Variants in PRORP observed in about 807,000 individuals in gnomAD.
PRORP encodes mitochondrial ribonuclease P catalytic subunit.
Under a neutral mutation model 59.4 loss-of-function variants are expected in PRORP, and 51 were observed. That is an observed-to-expected ratio of 0.86 (90% CI 0.69 to 1.08). PRORP has a LOEUF of 1.08. Ranked by LOEUF, PRORP falls within the 50% of genes least tolerant of loss-of-function variation. The pLI, the probability that PRORP is intolerant of heterozygous loss-of-function variation, is 0.00. For missense variants in PRORP, 646 were observed against 690.3 expected (o/e 0.94, Z 0.72); for synonymous variants, 231 against 245.6 (o/e 0.94, Z 0.55).
chr14:35,173,697 C>G (rs2048374972), intron 4 of PRORP, among the ~76,000 whole-genome samples: 1 of 152,018 alleles, frequency 6.6e-6, no homozygotes, highest in African/African-American at 2.4e-5. Flanking sequence ...CAAATTTTAC[C>G]TGGTATAATT....
chr14:35,212,500 T>G (rs2049473927), intron 5 of PRORP, among the ~76,000 whole-genome samples: 1 of 152,232 alleles, frequency 6.6e-6, no homozygotes, highest in Non-Finnish European at 1.5e-5. Context: ...TTCACAGGCA[T>G]GAAAACAGCA....
chr14:35,266,171 G>T (rs1433726430), intron 5 of PRORP, among the ~76,000 whole-genome samples: 1 of 152,020 alleles, frequency 6.6e-6, no homozygotes, highest in African/African-American at 2.4e-5. Context: ...TACAAAATTA[G>T]TTGGCTGTGG....
At chr14:35,135,402 G>T (rs547047339) in intron 4 of PRORP, among the ~76,000 whole-genome samples, 44 of 152,212 alleles carry the variant, frequency 2.9e-4, no homozygotes, top group African/African-American at 9.9e-4. Flanking sequence ...TGGTACTTTT[G>T]TCCTGCAGAG....
chr14:35,180,543 T>A (rs571982089), intron 4 of PRORP, 127 bp from the exon 5 acceptor site: 6 of 611,246 alleles, frequency 9.8e-6, no homozygotes, highest in Middle Eastern at 4.4e-4. Flanking sequence ...TGTGTGTGTG[T>A]GTGTGTGTAT....
At chr14:35,166,941 A>G (rs1263064607) in intron 4 of PRORP, among the ~76,000 whole-genome samples, 4 of 152,166 alleles carry the variant, frequency 2.6e-5, no homozygotes, top group Non-Finnish European at 4.4e-5. Flanking sequence ...TTTTGGATCT[A>G]GACTCATCAG....
At position 35,141,411 on chromosome 14, in the gene PRORP, C is replaced by T. The variant is rs1163888001; in HGVS notation, c.1167+13800C>T. 2.1e-5 allele frequency among the ~76,000 whole-genome samples: 3 copies of T among 143,628 alleles called. 1 individual carries two copies. The allele number at this position is 143,628 out of a possible 152,430, so 94.2% of individuals were successfully genotyped here. A position where few individuals can be genotyped will look rare whatever the true frequency, so the allele number is the denominator to read the frequency against. On this transcript the variant is annotated intron_variant, in intron 4 of 7. Transcript: ENST00000534898. The stretch of plus-strand genomic sequence containing the variant: ...GGGTAGCTAGGATTCAGGTGTGTAC[C>T]ATCACATCTGGCTAATTTTTTTATT...
Position 35,123,257 on chromosome 14 carries a change from T to C in PRORP, c.12T>C (p.Tyr4=). 6.2e-7 allele frequency: 1 copy of C among 1,608,786 alleles called. No homozygotes were observed. The highest frequency in any genetic ancestry group is 8.5e-7 in the Non-Finnish European group (1 of 1,177,974). The part of the protein sequence containing the change: MTF[Y]LFGIRSFPKL... ...GATCTCACTGCATAATGACTTTCTA[T>C]TTGTTTGGTATTCGAAGCTTTCCGA... The change falls in exon 2 of 8, where the codon TAT becomes TAC. Residue 4 remains tyrosine, a synonymous_variant. Coordinates refer to ENST00000534898, the MANE Select transcript of PRORP (RefSeq NM_014672.4).
At chr14:35,239,552 C>T (rs919538662) in intron 5 of PRORP, among the ~76,000 whole-genome samples, 2 of 151,984 alleles carry the variant, frequency 1.3e-5, no homozygotes, top group Admixed American at 6.6e-5. Flanking sequence ...GAACAGACTA[C>T]TGTATAGTGT....
At chr14:35,262,992 A>G in intron 5 of PRORP, 2 of 1,597,864 alleles carry the variant, frequency 1.3e-6, no homozygotes, top group South Asian at 1.1e-5. Flanking sequence ...TTTGGATGGT[A>G]TCTATGTCTC....
chr14:35,227,807 T>A (rs1039349681), intron 5 of PRORP, among the ~76,000 whole-genome samples: 2 of 151,524 alleles, frequency 1.3e-5, no homozygotes, highest in Admixed American at 1.3e-4. Context: ...TAACAAGTAA[T>A]TTTTTTTTGC....
At chr14:35,165,210 A>T (rs983708929) in intron 4 of PRORP, among the ~76,000 whole-genome samples, 2 of 152,134 alleles carry the variant, frequency 1.3e-5, no homozygotes, top group Non-Finnish European at 2.9e-5. Flanking sequence ...ATGGGGTCTT[A>T]CTACGTTGCC....
At chr14:35,262,747 C>G (rs2050937724) in intron 5 of PRORP, 2 of 988,286 alleles carry the variant, frequency 2.0e-6, no homozygotes, top group Non-Finnish European at 3.3e-6. Flanking sequence ...TCTGTGTATG[C>G]TCACTTCCCC....
chr14:35,260,080 T>C (rs903233941), intron 5 of PRORP, among the ~76,000 whole-genome samples: 2 of 137,524 alleles, frequency 1.5e-5, no homozygotes, highest in Admixed American at 8.1e-5. Context: ...GGCACTATCA[T>C]AGCTCACTGC....
At chr14:35,205,750 T>C (rs1351735704) in intron 5 of PRORP, among the ~76,000 whole-genome samples, 2 of 152,236 alleles carry the variant, frequency 1.3e-5, no homozygotes, top group African/African-American at 4.8e-5. Context: ...CCATGGTGGC[T>C]TCATACACAC....
chr14:35,244,939 G>C (rs2050449601), intron 5 of PRORP, among the ~76,000 whole-genome samples: 1 of 152,246 alleles, frequency 6.6e-6, no homozygotes, highest in Non-Finnish European at 1.5e-5. Context: ...GGGCAAGATT[G>C]TCACTGTCAG....
chr14:35,226,640 G>T (rs914901680), intron 5 of PRORP, among the ~76,000 whole-genome samples: 1 of 152,138 alleles, frequency 6.6e-6, no homozygotes, highest in Non-Finnish European at 1.5e-5. Flanking sequence ...TACCAAACTT[G>T]TGGCAACTTT....
At chr14:35,220,519 C>T (rs1438128349) in intron 5 of PRORP, among the ~76,000 whole-genome samples, 6 of 152,094 alleles carry the variant, frequency 3.9e-5, no homozygotes, top group Admixed American at 1.3e-4. Context: ...ACACCAGCCC[C>T]GCAAAACCTC....
chr14:35,145,783 T>C (rs2047592469), intron 4 of PRORP, among the ~76,000 whole-genome samples: 1 of 138,660 alleles, frequency 7.2e-6, no homozygotes, highest in East Asian at 2.5e-4. Flanking sequence ...ATCCATTCAT[T>C]TTGAACTTTA....
chr14:35,155,863 G>C (rs890292016), intron 4 of PRORP, among the ~76,000 whole-genome samples: 1 of 54,206 alleles, frequency 1.8e-5, no homozygotes, highest in Non-Finnish European at 3.7e-5. Flanking sequence ...TCATTTGCAC[G>C]TTTCTTTTTC....
Sources: allele counts gnomAD v4.1 joint callset (sites outside exome capture counted in the v4.1 genomes callset), GRCh38; gene constraint gnomAD v4.1.1; transcripts MANE v1.5; gene names NCBI Gene and HGNC (gene_info 2026-07-23, HGNC 2026-07-21).